The following MAPK8IP3 variants were observed in gnomAD, a reference collection of about 807,000 sequenced individuals.
MAPK8IP3 encodes mitogen-activated protein kinase 8 interacting protein 3, also known as C-Jun-amino-terminal kinase-interacting protein 3.
MAPK8IP3 carries 49 observed loss-of-function variants against 157.8 expected under a neutral mutation model. That is an observed-to-expected ratio of 0.31 (90% confidence interval 0.25 to 0.39). MAPK8IP3 has a LOEUF of 0.39. MAPK8IP3 is among the 10% of genes least tolerant of loss of function. The pLI, the probability that MAPK8IP3 is intolerant of heterozygous loss-of-function variation, is 1.00. For missense variants in MAPK8IP3, 1,478 were observed against 1,889.4 expected (o/e 0.78, Z 4.04); for synonymous variants, 897 against 777.7 (o/e 1.15, Z -2.55).
At chr16:1,763,852 C>G in intron 17 of MAPK8IP3, 69 bp downstream of exon 17, 1 of 211,082 alleles carries the variant, frequency 4.7e-6, no homozygotes, top group Non-Finnish European at 8.0e-6. Context: ...GGGCGGGGCG[C>G]TGTGGGGCGG....
intron 17 of MAPK8IP3, 24 bp downstream of exon 17, chr16:1,763,807 C>CGGGCGGGGCCCCGCAG (rs2042092373): frequency 1.1e-6 from 1 of 941,764 alleles, no homozygotes; most frequent in Non-Finnish European, 1.3e-6. Context: ...CTGCGGGGAC[C>CGGGCGGGGCCCCGCAG]GGGCGGGGCC....
At chr16:1,767,112 T>C in intron 25 of MAPK8IP3, 37 bp from the exon 26 acceptor site, 1 of 1,609,004 alleles carries the variant, frequency 6.2e-7, no homozygotes, top group Non-Finnish European at 8.5e-7. Flanking sequence ...AGGTGGGGCC[T>C]GGCCAGGCCT....
chr16:1,763,296 A>G (rs1252319918), intron 16 of MAPK8IP3, among the ~76,000 whole-genome samples: 1 of 152,240 alleles, frequency 6.6e-6, no homozygotes, highest in Non-Finnish European at 1.5e-5. Context: ...TGCAGCAAGG[A>G]GCCGTTTCAG....
chr16:1,767,584 G>A lies in MAPK8IP3; in HGVS notation c.3258G>A (p.Pro1086=), dbSNP rs760496616. The stretch of plus-strand genomic sequence containing the variant: ...CACAGAAGTCATTTGACGCCCACCC[G>A]CGGCGGGAGAGCCAGGTGCGGCAGC... The part of the protein sequence containing the change: ...MQIEKSFDAH[P]RRESQVRQLA... The change falls in exon 27 of 32, where the codon CCG becomes CCA. Residue 1086 remains proline (P), a synonymous_variant. Transcript: ENST00000610761. The A allele has an allele frequency of 3.5e-5, 56 of 1,612,004 alleles. No individual in the cohort carries two copies. The highest frequency in any genetic ancestry group is 6.6e-5 in the South Asian group (6 of 91,050).
chr16:1,729,629 G>T (rs2039158063), intron 4 of MAPK8IP3, 51 bp downstream of exon 4: 1 of 1,518,670 alleles, frequency 6.6e-7, no homozygotes, highest in African/African-American at 1.4e-5. Flanking sequence ...CGGGGCGGAG[G>T]TACGCAGGAC....
chr16:1,763,962 G>A (rs1415857579), intron 17 of MAPK8IP3, 153 bp from the exon 18 acceptor site: 2 of 1,063,720 alleles, frequency 1.9e-6, no homozygotes, highest in Non-Finnish European at 2.6e-6. Context: ...CTGGAGGGTC[G>A]GAGAAGGAGC....
intron 1 of MAPK8IP3, among the ~76,000 whole-genome samples, chr16:1,709,962 G>A (rs138291830): frequency 6.6e-6 from 1 of 151,906 alleles, no homozygotes; most frequent in Non-Finnish European, 1.5e-5. Context: ...CTCTCAACAA[G>A]CCCAGATGGT....
In MAPK8IP3 at chr16:1,710,355, T is replaced by A. The variant is rs1241669936; in HGVS notation, c.318+3698T>A. Among the ~76,000 whole-genome samples the A allele has an allele frequency of 1.3e-5, 2 of 151,178 alleles. No homozygotes were observed. The highest frequency in any genetic ancestry group is 4.9e-5 in the African/African-American group (2 of 41,090). Reference sequence around the variant, plus strand: ...CAGGTGTGGCGGCAGGCCCCTGTAGTCCCAGCACTCGGGAGGCTGAGGCAG... The same window carrying A: ...CAGGTGTGGCGGCAGGCCCCTGTAGACCCAGCACTCGGGAGGCTGAGGCAG... On this transcript the variant is annotated intron_variant, in intron 1 of 31. Coordinates refer to ENST00000610761, the MANE Select transcript of MAPK8IP3 (RefSeq NM_001318852.2). The surrounding 1 kb of genome is among the most constrained non-coding windows in gnomAD (Gnocchi z 4.1).
At chr16:1,729,394 C>T (rs2141732644) in intron 3 of MAPK8IP3, 93 bp from the exon 4 acceptor site, 4 of 1,355,374 alleles carry the variant, frequency 3.0e-6, no homozygotes, top group Non-Finnish European at 4.1e-6. Context: ...TTGATTTCTG[C>T]CTGCACAGGG....
At chr16:1,720,602 C>T (rs34547187) in intron 1 of MAPK8IP3, among the ~76,000 whole-genome samples, 12,113 of 152,208 alleles carry the variant, frequency 0.08, 525 homozygotes, top group African/African-American at 0.11. Flanking sequence ...CAATTTTAAC[C>T]GACCCTATAG....
chr16:1,757,452 A>G (rs367627650), intron 8 of MAPK8IP3, among the ~76,000 whole-genome samples: 1 of 152,148 alleles, frequency 6.6e-6, no homozygotes, highest in Non-Finnish European at 1.5e-5. Context: ...ACAACCAAGT[A>G]GAAGAGAACC....
At chr16:1,722,981 G>A (rs561018269) in intron 1 of MAPK8IP3, among the ~76,000 whole-genome samples, 5 of 151,986 alleles carry the variant, frequency 3.3e-5, no homozygotes, top group African/African-American at 7.3e-5. Flanking sequence ...GATTACAGGC[G>A]TGAGCCACCG....
intron 4 of MAPK8IP3, among the ~76,000 whole-genome samples, chr16:1,738,455 TGTGTGACCGTCC>T (rs2040256808): frequency 1.0e-5 from 1 of 99,412 alleles, no homozygotes; most frequent in East Asian, 3.8e-4. Context: ...CATGTGAGCA[TGTGTGACCGTCC>T]GTGTGAGCAT....
At position 1,763,763 on chromosome 16, in the gene MAPK8IP3, C is replaced by A; in HGVS notation, c.2005C>A (p.Leu669Met). 1 of 1,575,596 alleles carries A rather than the reference C, an allele frequency of 6.3e-7. No homozygotes were observed. The highest frequency in any genetic ancestry group is 8.6e-7 in the Non-Finnish European group (1 of 1,159,112). Residue 669 changes from leucine (L) to methionine (M), a missense_variant, in exon 17 of 32, where the codon CTG becomes ATG. Leu to Met is a conservative substitution (Grantham distance 15, BLOSUM62 2). Transcript: ENST00000610761. Reference sequence around the variant, plus strand: ...CCGTCTGCAGGCCTGCGGCTGGAGCCTGCCCGCCAAGTACAAGCAGGTGCG... The same window carrying A: ...CCGTCTGCAGGCCTGCGGCTGGAGCATGCCCGCCAAGTACAAGCAGGTGCG... ...DGRLQACGWS[L>M]PAKYKQLSPN... is the part of the protein sequence containing the mutation.
At chr16:1,730,298 G>A (rs941121762) in intron 4 of MAPK8IP3, among the ~76,000 whole-genome samples, 1 of 152,024 alleles carries the variant, frequency 6.6e-6, no homozygotes, top group African/African-American at 2.4e-5. Flanking sequence ...CTCATGTGAG[G>A]TCAAAGAATA....
intron 8 of MAPK8IP3, among the ~76,000 whole-genome samples, chr16:1,755,033 T>C (rs1243494970): frequency 6.6e-6 from 1 of 152,150 alleles, no homozygotes; most frequent in Non-Finnish European, 1.5e-5. Flanking sequence ...CTGAAGTTGA[T>C]CCAGTAGAGG....
At chr16:1,760,085 G>C (rs888103737) in intron 11 of MAPK8IP3, 70 bp downstream of exon 11, 2 of 1,552,562 alleles carry the variant, frequency 1.3e-6, no homozygotes, top group Admixed American at 3.4e-5. Flanking sequence ...AGAGTGAGCC[G>C]GGCCAGAGGG....
chr16:1,737,547 AGTGTGACCATCCATGTGAGCATCT>A (rs2040080748), intron 4 of MAPK8IP3, among the ~76,000 whole-genome samples: 1 of 78,492 alleles, frequency 1.3e-5, no homozygotes, highest in Admixed American at 1.7e-4. Context: ...TTCGTGTGAG[AGTGTGACCATCCATGTGAGCATCT>A]GTGTGACCGT....
intron 4 of MAPK8IP3, among the ~76,000 whole-genome samples, chr16:1,738,647 TGTGA>T (rs146219006): frequency 0.053 from 6,525 of 123,816 alleles, 297 homozygotes; most frequent in East Asian, 0.16. Context: ...TGAGCGTCCG[TGTGA>T]GTGTGACCAT....
Sources: gnomAD v4.1 joint callset for allele counts (sites outside exome capture counted in the v4.1 genomes callset) on GRCh38, gnomAD v4.1.1 for gene constraint, Gnocchi (gnomAD v3.1) non-coding constraint, MANE v1.5 for transcripts, NCBI Gene and HGNC (gene_info 2026-07-23, HGNC 2026-07-21) for gene names.